The following HCN1 variants were observed in gnomAD, a reference collection of about 807,000 sequenced individuals.
HCN1 encodes the protein hyperpolarization activated cyclic nucleotide gated potassium channel 1, also known as potassium/sodium hyperpolarization-activated cyclic nucleotide-gated channel 1.
In HCN1, 13 loss-of-function variants were observed where a neutral mutation model predicts 78.9. The ratio of observed to expected loss-of-function variants is 0.16; its 90% CI spans 0.11 to 0.26. HCN1 has a LOEUF of 0.26. Among genes scored for constraint, HCN1 ranks in the 10% least tolerant of loss-of-function variants. HCN1 has a pLI of 1.00. For missense variants in HCN1, 810 were observed against 1,154.3 expected (o/e 0.70, Z 4.32); for synonymous variants, 552 against 455.5 (o/e 1.21, Z -2.70).
intron 1 of HCN1, among the ~76,000 whole-genome samples, chr5:45,689,913 A>C (rs1739874559): frequency 6.6e-6 from 1 of 152,134 alleles, no homozygotes; most frequent in Non-Finnish European, 1.5e-5. Context: ...CAGGAATGTC[A>C]ACCTTGGAGA....
chr5:45,654,710 T>G (rs1408959599), intron 1 of HCN1, among the ~76,000 whole-genome samples: 2 of 152,152 alleles, frequency 1.3e-5, no homozygotes, highest in Non-Finnish European at 2.9e-5. Context: ...CTCAACTGAA[T>G]GACTGTGAGT....
intron 2 of HCN1, among the ~76,000 whole-genome samples, chr5:45,489,074 G>A (rs575528666): frequency 6.0e-4 from 92 of 152,280 alleles, no homozygotes; most frequent in Non-Finnish European, 1.2e-3. Flanking sequence ...AGAAATTCCT[G>A]AGCAGGGAAT....
intron 2 of HCN1, among the ~76,000 whole-genome samples, chr5:45,632,059 T>C (rs1351223105): frequency 6.6e-6 from 1 of 152,132 alleles, no homozygotes; most frequent in Non-Finnish European, 1.5e-5. Context: ...ATTGCTTTTA[T>C]TTTTTATACA....
intron 5 of HCN1, among the ~76,000 whole-genome samples, chr5:45,337,656 A>T (rs575298183): frequency 6.6e-6 from 1 of 152,264 alleles, no homozygotes; most frequent in Non-Finnish European, 1.5e-5. Context: ...CCAGATCCTG[A>T]GTTCATATAG....
At chr5:45,463,684 T>C (rs762006922) in intron 2 of HCN1, among the ~76,000 whole-genome samples, 1 of 152,048 alleles carries the variant, frequency 6.6e-6, no homozygotes, top group African/African-American at 2.4e-5. Flanking sequence ...TAATTTCTCA[T>C]TAAAAGTTAT....
In HCN1 at chr5:45,663,074, A is replaced by C. The variant is rs1303679601; in HGVS notation, c.426-17466T>G. ...TCAAACTATATTACAAGGCTACAGTAACCAAAACAGCATGGTACTGGTACC... is the reference window on the plus strand; with the variant it reads ...TCAAACTATATTACAAGGCTACAGTCACCAAAACAGCATGGTACTGGTACC... On this transcript the variant is annotated intron_variant, in intron 1 of 7. Coordinates refer to ENST00000303230, the MANE Select transcript of HCN1 (RefSeq NM_021072.4). Among the ~76,000 whole-genome samples the C allele has an allele frequency of 8.0e-5, 12 of 149,972 alleles. 1 individual carries two copies. The South Asian group carries it at 2.6e-3, about 32-fold the overall frequency.
At position 45,257,411 on chromosome 5, in the gene HCN1, C is replaced by T. The variant is rs1258498298; in HGVS notation, c.*4510G>A. ...TTTCACTAAATGATAATTATTTCCC[C>T]AGCATTTAATGTATTACTCATTCTC... On this transcript the variant is annotated 3_prime_UTR_variant, in exon 8 of 8. Transcript: ENST00000303230. The T allele has an allele frequency of 1.3e-5, 2 of 152,146 alleles. No homozygotes were observed. The highest frequency in any genetic ancestry group is 2.9e-5 in the Non-Finnish European group (2 of 68,038). 9.4% of individuals were successfully genotyped at this position (152,146 alleles called of 1,614,324 possible).
At chr5:45,579,880 G>C (rs2111918216) in intron 2 of HCN1, among the ~76,000 whole-genome samples, 1 of 152,166 alleles carries the variant, frequency 6.6e-6, no homozygotes, top group East Asian at 1.9e-4. Context: ...CCTGGTAAAA[G>C]ACTGATTTAT....
chr5:45,383,530 A>G (rs2112027728), intron 4 of HCN1, among the ~76,000 whole-genome samples: 1 of 152,200 alleles, frequency 6.6e-6, no homozygotes, highest in South Asian at 2.1e-4. Context: ...TCCCATCTCT[A>G]CTAAAACTAC....
intron 2 of HCN1, among the ~76,000 whole-genome samples, chr5:45,578,172 T>A (rs1387550577): frequency 6.6e-6 from 1 of 152,024 alleles, no homozygotes; most frequent in Non-Finnish European, 1.5e-5. Flanking sequence ...CCCACCACAG[T>A]GTCCTGAGAA....
At chr5:45,353,354 A>T in intron 4 of HCN1, 108 bp from the exon 5 acceptor site, 1 of 825,958 alleles carries the variant, frequency 1.2e-6, no homozygotes, top group Non-Finnish European at 2.0e-6. Context: ...TCAGTTACAA[A>T]AAAAAAGAAA....
At chr5:45,412,033 T>C (rs745484897) in intron 3 of HCN1, among the ~76,000 whole-genome samples, 4 of 152,050 alleles carry the variant, frequency 2.6e-5, no homozygotes, top group Non-Finnish European at 5.9e-5. Context: ...TCCTCCAATG[T>C]GGAGGGAAAC....
chr5:45,467,703 G>T lies in HCN1; in HGVS notation c.850-5696C>A, dbSNP rs1432159416. On this transcript the variant is annotated intron_variant, in intron 2 of 7. Coordinates refer to ENST00000303230, the MANE Select transcript of HCN1 (RefSeq NM_021072.4). The stretch of plus-strand genomic sequence containing the variant: ...CTCTTTCTACTTCCCCAAAGCCCAT[G>T]ACTATCTTCTTCAGTTTCAGCTTAA... Among the ~76,000 whole-genome samples the T allele has an allele frequency of 1.3e-4, 19 of 151,870 alleles. 1 individual carries two copies. The highest frequency in any genetic ancestry group is 1.2e-3 in the Admixed American group (19 of 15,214).
intron 5 of HCN1, among the ~76,000 whole-genome samples, chr5:45,331,810 A>G (rs2111952905): frequency 6.6e-6 from 1 of 151,586 alleles, no homozygotes; most frequent in East Asian, 1.9e-4. Context: ...TATCATCATC[A>G]AAATCACTAC....
chr5:45,589,680 C>T (rs1437930128), intron 2 of HCN1, among the ~76,000 whole-genome samples: 3 of 152,070 alleles, frequency 2.0e-5, no homozygotes, highest in Non-Finnish European at 4.4e-5. Context: ...TTCTATAATT[C>T]CATGTGAATG....
intron 4 of HCN1, among the ~76,000 whole-genome samples, chr5:45,373,825 ACGT>A: frequency 1.5e-5 from 2 of 129,322 alleles, no homozygotes; most frequent in African/African-American, 5.9e-5. Context: ...TACGGTATAT[ACGT>A]CATCTATAAT....
intron 3 of HCN1, among the ~76,000 whole-genome samples, chr5:45,421,919 G>A (rs1740237166): frequency 6.6e-6 from 1 of 152,054 alleles, no homozygotes; most frequent in Non-Finnish European, 1.5e-5. Flanking sequence ...CCCATTCATG[G>A]GGTACAGGAC....
chr5:45,347,874 C>A (rs1649428969), intron 5 of HCN1, among the ~76,000 whole-genome samples: 1 of 152,062 alleles, frequency 6.6e-6, no homozygotes, highest in Non-Finnish European at 1.5e-5. Flanking sequence ...ATGAAAAGAC[C>A]AAATCTACGT....
chr5:45,405,508 A>G (rs772307763), intron 3 of HCN1, among the ~76,000 whole-genome samples: 28 of 152,114 alleles, frequency 1.8e-4, no homozygotes, highest in Non-Finnish European at 3.4e-4. Flanking sequence ...TCTAGGCTCA[A>G]GTGACCCTCC....
Sources: gnomAD v4.1 joint callset for allele counts (sites outside exome capture counted in the v4.1 genomes callset) on GRCh38, gnomAD v4.1.1 for gene constraint, MANE v1.5 for transcripts, NCBI Gene and HGNC (gene_info 2026-07-23, HGNC 2026-07-21) for gene names.